The following SMYD3 variants were observed in gnomAD, a reference collection of about 807,000 sequenced individuals.
SMYD3 encodes the protein SET and MYND domain containing 3.
In SMYD3, 36 loss-of-function variants were observed where a neutral mutation model predicts 57.7. That is an observed-to-expected ratio of 0.62 (90% confidence interval 0.48 to 0.82). The LOEUF (loss-of-function observed/expected upper bound fraction) is 0.82. Among genes scored for constraint, SMYD3 ranks in the 40% least tolerant of loss-of-function variants. The pLI is 0.00. For missense variants in SMYD3, 515 were observed against 538.8 expected (o/e 0.96, Z 0.44); for synonymous variants, 211 against 195.0 (o/e 1.08, Z -0.68).
chr1:245,758,514 T>A (rs1413276832), intron 11 of SMYD3, among the ~76,000 whole-genome samples: 2 of 152,184 alleles, frequency 1.3e-5, no homozygotes, highest in African/African-American at 4.8e-5. Context: ...TTCTTCAGTA[T>A]TTTTTTCTGT....
intron 10 of SMYD3, among the ~76,000 whole-genome samples, chr1:245,817,669 T>A (rs1398874102): frequency 4.0e-5 from 6 of 151,546 alleles, no homozygotes; most frequent in Non-Finnish European, 8.9e-5. Context: ...GAAGAATGTA[T>A]AACTAGAATA....
chr1:246,432,597 T>C (rs1338139365), intron 1 of SMYD3, among the ~76,000 whole-genome samples: 1 of 152,218 alleles, frequency 6.6e-6, no homozygotes. Context: ...CGATGTGAGG[T>C]TGAGTTTTAA....
At chr1:245,751,101 T>C (rs2045328833) in intron 11 of SMYD3, among the ~76,000 whole-genome samples, 1 of 152,264 alleles carries the variant, frequency 6.6e-6, no homozygotes, top group African/African-American at 2.4e-5. Flanking sequence ...ATTTTAATTG[T>C]TGTATATAAT....
intron 11 of SMYD3, among the ~76,000 whole-genome samples, chr1:245,750,012 C>T (rs565034174): frequency 6.6e-6 from 1 of 152,230 alleles, no homozygotes; most frequent in Admixed American, 6.5e-5. Flanking sequence ...GCTGCTACCA[C>T]CTTAAAATTT....
intron 5 of SMYD3, among the ~76,000 whole-genome samples, chr1:246,176,616 G>C (rs898520348): frequency 6.6e-6 from 1 of 152,070 alleles, no homozygotes; most frequent in Non-Finnish European, 1.5e-5. Flanking sequence ...TTGACCTCCC[G>C]GGCTCAGGCA....
intron 5 of SMYD3, among the ~76,000 whole-genome samples, chr1:246,229,173 A>T: frequency 6.6e-6 from 1 of 152,198 alleles, no homozygotes; most frequent in East Asian, 1.9e-4. Flanking sequence ...ATATTATCCA[A>T]TAAATTTTCT....
intron 5 of SMYD3, among the ~76,000 whole-genome samples, chr1:246,056,906 C>T (rs1458143762): frequency 6.6e-6 from 1 of 152,152 alleles, no homozygotes; most frequent in Admixed American, 6.5e-5. Context: ...AGATTAAGAA[C>T]ACACACTCCA....
At chr1:245,765,045 T>TACACACACACACACAC (rs3085339) in intron 10 of SMYD3, among the ~76,000 whole-genome samples, 1 of 134,746 alleles carries the variant, frequency 7.4e-6, no homozygotes, top group African/African-American at 2.8e-5. Context: ...TGGAAATGCC[T>TACACACACACACACAC]ACACACACAC....
intron 1 of SMYD3, among the ~76,000 whole-genome samples, chr1:246,369,655 T>C (rs577521121): frequency 2.0e-5 from 3 of 152,090 alleles, no homozygotes; most frequent in Non-Finnish European, 4.4e-5. Context: ...GCCTCCCAAG[T>C]ACCTGGGACC....
intron 5 of SMYD3, among the ~76,000 whole-genome samples, chr1:246,228,856 A>T (rs1233050241): frequency 6.6e-6 from 1 of 152,048 alleles, no homozygotes; most frequent in Non-Finnish European, 1.5e-5. Context: ...AGATACTTCC[A>T]TTGCTTTAAG....
At chr1:246,094,649 C>A (rs539435153) in intron 5 of SMYD3, among the ~76,000 whole-genome samples, 1 of 152,296 alleles carries the variant, frequency 6.6e-6, no homozygotes, top group African/African-American at 2.4e-5. Context: ...GGCAGATACA[C>A]AAAGGTCCAG....
chr1:246,015,512 T>C (rs559111470), intron 5 of SMYD3, among the ~76,000 whole-genome samples: 34 of 152,312 alleles, frequency 2.2e-4, no homozygotes, highest in Non-Finnish European at 4.0e-4. Context: ...ATTTATATTG[T>C]TGCACAACCA....
intron 8 of SMYD3, among the ~76,000 whole-genome samples, 176 bp downstream of exon 8, chr1:245,915,354 G>A (rs771306702): frequency 6.6e-6 from 1 of 152,132 alleles, no homozygotes; most frequent in Admixed American, 6.5e-5. Flanking sequence ...AGCTTGGTGG[G>A]TGACAAAAGT....
At chr1:246,222,482 T>C (rs946622393) in intron 5 of SMYD3, among the ~76,000 whole-genome samples, 8 of 152,110 alleles carry the variant, frequency 5.3e-5, no homozygotes, top group African/African-American at 1.9e-4. Context: ...CATTGCCTCA[T>C]TTGAACACGC....
chr1:245,795,883 T>C (rs1373950456), intron 10 of SMYD3, among the ~76,000 whole-genome samples: 1 of 152,246 alleles, frequency 6.6e-6, no homozygotes, highest in East Asian at 1.9e-4. Flanking sequence ...TTCTCAGCCT[T>C]TTAATTTCAG....
At chr1:246,265,145 T>C (rs2064080197) in intron 5 of SMYD3, among the ~76,000 whole-genome samples, 1 of 152,220 alleles carries the variant, frequency 6.6e-6, no homozygotes. Context: ...TGTATCTTTA[T>C]TATTTTTCGA....
At chr1:245,997,269 C>T (rs916697847) in intron 5 of SMYD3, among the ~76,000 whole-genome samples, 1 of 152,236 alleles carries the variant, frequency 6.6e-6, no homozygotes, top group Non-Finnish European at 1.5e-5. Context: ...GAGTGTTACT[C>T]TCAGACAGGG....
chr1:245,963,975 G>A (rs1286635289), intron 5 of SMYD3, among the ~76,000 whole-genome samples: 1 of 152,218 alleles, frequency 6.6e-6, no homozygotes, highest in Admixed American at 6.5e-5. Flanking sequence ...CTATAAAGAC[G>A]TAACCAATGC....
intron 5 of SMYD3, among the ~76,000 whole-genome samples, chr1:245,996,026 G>A (rs778446304): frequency 4.6e-5 from 7 of 152,196 alleles, no homozygotes; most frequent in Non-Finnish European, 8.8e-5. Context: ...TTTGGGGACT[G>A]AGTTTTATAC....
Sources: allele counts gnomAD v4.1 joint callset (sites outside exome capture counted in the v4.1 genomes callset), GRCh38; gene constraint gnomAD v4.1.1; transcripts MANE v1.5; gene names NCBI Gene and HGNC (gene_info 2026-07-23, HGNC 2026-07-21).